Variants in PRKCA observed in about 807,000 individuals in gnomAD.
PRKCA encodes protein kinase C alpha type.
Under a neutral mutation model 87.0 loss-of-function variants are expected in PRKCA, and 27 were observed. That is an observed-to-expected ratio of 0.31 (90% confidence interval 0.23 to 0.43). PRKCA has a LOEUF of 0.43. Among genes scored for constraint, PRKCA ranks in the 20% least tolerant of loss-of-function variants. The pLI, the probability that PRKCA is intolerant of heterozygous loss-of-function variation, is 1.00. For synonymous variants in PRKCA, 329 were observed against 311.1 expected (o/e 1.06, Z -0.61); for missense variants, 518 against 852.3 (o/e 0.61, Z 4.88).
intron 8 of PRKCA, among the ~76,000 whole-genome samples, chr17:66,702,279 C>G (rs1973083357): frequency 6.6e-6 from 1 of 151,914 alleles, no homozygotes; most frequent in African/African-American, 2.4e-5. Context: ...CATGGATGAA[C>G]CTGGAGGACA....
chr17:66,775,425 G>A (rs1975025038), intron 14 of PRKCA: 1 of 985,238 alleles, frequency 1.0e-6, no homozygotes, highest in Non-Finnish European at 1.2e-6. Context: ...GGCCCCAGTG[G>A]GACACAAAGA....
intron 2 of PRKCA, among the ~76,000 whole-genome samples, chr17:66,473,070 TCTC>T (rs1915390070): frequency 6.6e-6 from 1 of 151,780 alleles, no homozygotes. Context: ...TGCAGCCACC[TCTC>T]CTCCTCCACT....
At chr17:66,719,788 T>C (rs1973568232) in intron 8 of PRKCA, among the ~76,000 whole-genome samples, 1 of 152,208 alleles carries the variant, frequency 6.6e-6, no homozygotes, top group Non-Finnish European at 1.5e-5. Flanking sequence ...AAAATAAAAT[T>C]ATAGATGTTT....
chr17:66,679,630 G>A (rs1418291104), intron 5 of PRKCA, among the ~76,000 whole-genome samples: 1 of 152,236 alleles, frequency 6.6e-6, no homozygotes, highest in Non-Finnish European at 1.5e-5. Context: ...TGCAAGATGT[G>A]TGTTCACTTT....
intron 8 of PRKCA, among the ~76,000 whole-genome samples, chr17:66,706,595 G>A (rs1051755623): frequency 3.3e-5 from 5 of 150,158 alleles, no homozygotes; most frequent in Non-Finnish European, 7.4e-5. Flanking sequence ...CCGAGATCAC[G>A]CCACTGCACT....
intron 3 of PRKCA, among the ~76,000 whole-genome samples, chr17:66,629,729 G>A (rs1404372305): frequency 1.3e-5 from 2 of 152,224 alleles, no homozygotes; most frequent in African/African-American, 4.8e-5. Flanking sequence ...ATCAGTGGTT[G>A]TCAGGAGTTA....
intron 5 of PRKCA, among the ~76,000 whole-genome samples, chr17:66,648,655 C>T (rs1023265945): frequency 6.6e-6 from 1 of 152,172 alleles, no homozygotes. Context: ...TTAGTAATTA[C>T]ATCTTTAACA....
chr17:66,581,750 C>T (rs557510575), intron 3 of PRKCA, among the ~76,000 whole-genome samples: 1 of 152,336 alleles, frequency 6.6e-6, no homozygotes, highest in African/African-American at 2.4e-5. Flanking sequence ...GCTGGGATTA[C>T]AGGCATGAGC....
intron 2 of PRKCA, among the ~76,000 whole-genome samples, chr17:66,434,873 G>C (rs1418036713): frequency 6.6e-6 from 1 of 152,064 alleles, no homozygotes; most frequent in Non-Finnish European, 1.5e-5. Context: ...TAACATCAAG[G>C]GCTGAGAGCC....
chr17:66,774,560 G>A, intron 14 of PRKCA: 1 of 887,982 alleles, frequency 1.1e-6, no homozygotes, highest in Non-Finnish European at 1.4e-6. Flanking sequence ...GGCGGAGGCT[G>A]CAGTGAGCCA....
At chr17:66,311,608 G>A (rs1460173714) in intron 2 of PRKCA, among the ~76,000 whole-genome samples, 1 of 152,058 alleles carries the variant, frequency 6.6e-6, no homozygotes, top group Non-Finnish European at 1.5e-5. Context: ...CAGAGTGAGA[G>A]CCTGTCTCAA....
intron 13 of PRKCA, among the ~76,000 whole-genome samples, chr17:66,768,262 G>GGC (rs1974854757): frequency 1.3e-5 from 1 of 77,742 alleles, no homozygotes; most frequent in African/African-American, 4.5e-5. Context: ...TTTTTTTTTT[G>GGC]GGGGGGAGAG....
chr17:66,702,993 C>A (rs1973099562), intron 8 of PRKCA, among the ~76,000 whole-genome samples: 1 of 152,134 alleles, frequency 6.6e-6, no homozygotes, highest in Admixed American at 6.5e-5. Context: ...GGCACTTACC[C>A]TGAATGGAGG....
chr17:66,442,762 A>G (rs1913839760), intron 2 of PRKCA, among the ~76,000 whole-genome samples: 1 of 152,206 alleles, frequency 6.6e-6, no homozygotes, highest in Non-Finnish European at 1.5e-5. Flanking sequence ...AACCCATAGC[A>G]CATGTAAGTA....
chr17:66,338,132 G>T (rs1367473368), intron 2 of PRKCA, among the ~76,000 whole-genome samples: 1 of 149,456 alleles, frequency 6.7e-6, no homozygotes, highest in African/African-American at 2.6e-5. Context: ...AAATCTCTTG[G>T]GTAGTGCTTT....
chr17:66,608,602 C>A (rs1970272439), intron 3 of PRKCA, among the ~76,000 whole-genome samples: 1 of 152,122 alleles, frequency 6.6e-6, no homozygotes, highest in Non-Finnish European at 1.5e-5. Flanking sequence ...TCCTCCAGAT[C>A]ACTGGTTTCC....
intron 2 of PRKCA, among the ~76,000 whole-genome samples, chr17:66,445,892 C>G (rs1464252457): frequency 1.3e-5 from 2 of 151,978 alleles, no homozygotes; most frequent in Admixed American, 6.6e-5. Context: ...TGGCTCACTG[C>G]AACCTCTGCC....
rs1407008672 is a variant in PRKCA at position 66,645,470 on chromosome 17, A to T, written c.488A>T (p.Tyr163Phe). 1 of 1,614,158 alleles carries T rather than the reference A, an allele frequency of 6.2e-7. No individual in the cohort carries two copies. The highest frequency in any genetic ancestry group is 8.5e-7 in the Non-Finnish European group (1 of 1,180,016). Residue 163 changes from tyrosine to phenylalanine, a missense_variant, in exon 5 of 17, where the codon TAC becomes TTC. Physicochemically the swap from Tyr to Phe is conservative, Grantham distance 22. Coordinates refer to ENST00000413366, the MANE Select transcript of PRKCA (RefSeq NM_002737.3). Reference protein sequence around the residue: ...MDHTEKRGRIYLKAEVADEKL... With the variant: ...MDHTEKRGRIFLKAEVADEKL... ...CACACTGAGAAGAGGGGGCGGATTTACCTAAAGGCTGAGGTTGCTGATGAA... is the reference window on the plus strand; with the variant it reads ...CACACTGAGAAGAGGGGGCGGATTTTCCTAAAGGCTGAGGTTGCTGATGAA...
At chr17:66,442,521 G>C (rs556275410) in intron 2 of PRKCA, among the ~76,000 whole-genome samples, 11 of 152,058 alleles carry the variant, frequency 7.2e-5, no homozygotes, top group Non-Finnish European at 1.5e-4. Flanking sequence ...GCTTCCCATT[G>C]CTTCTAGGAT....
Sources: allele counts gnomAD v4.1 joint callset (sites outside exome capture counted in the v4.1 genomes callset), GRCh38; gene constraint gnomAD v4.1.1; transcripts MANE v1.5; gene names NCBI Gene and HGNC (gene_info 2026-07-23, HGNC 2026-07-21).